Variants in SOX13 observed in about 807,000 individuals in gnomAD.
The protein encoded by SOX13 is SRY-box transcription factor 13, also known as transcription factor SOX-13.
Under a neutral mutation model 71.8 loss-of-function variants are expected in SOX13, and 28 were observed. The observed-to-expected ratio is 0.39, with a 90% confidence interval of 0.29 to 0.53. The LOEUF is 0.53. Ranked by LOEUF, SOX13 falls within the 20% of genes least tolerant of loss-of-function variation. The pLI is 0.70. For missense variants in SOX13, 627 were observed against 810.3 expected, an observed-to-expected ratio of 0.77 and a Z score of 2.75; for synonymous variants, 309 against 317.8, an observed-to-expected ratio of 0.97 and a Z score of 0.29.
At chr1:204,090,023 G>T (rs963209885) in intron 1 of SOX13, among the ~76,000 whole-genome samples, 1 of 152,230 alleles carries the variant, frequency 6.6e-6, no homozygotes, top group Non-Finnish European at 1.5e-5. Flanking sequence ...TGAAGCCCCC[G>T]GGGCCTCTGC....
intron 7 of SOX13, 61 bp downstream of exon 7, chr1:204,117,768 G>A (rs141412155): frequency 8.2e-5 from 88 of 1,073,648 alleles, no homozygotes; most frequent in South Asian, 7.1e-4. Context: ...CAGGGAAAGC[G>A]CCCTGGAGCC....
intron 1 of SOX13, among the ~76,000 whole-genome samples, chr1:204,105,428 CAG>C (rs1200127633): frequency 1.9e-4 from 13 of 68,864 alleles, no homozygotes; most frequent in Non-Finnish European, 3.3e-4. Flanking sequence ...TTTTTTGAGA[CAG>C]AGTCTCCCTC....
intron 1 of SOX13, among the ~76,000 whole-genome samples, chr1:204,088,204 G>A (rs956760143): frequency 8.5e-5 from 13 of 152,134 alleles, no homozygotes; most frequent in Admixed American, 5.9e-4. Flanking sequence ...GGCTGTGGAC[G>A]TAGCCCTGTT....
chr1:204,090,255 G>A (rs1360137591), intron 1 of SOX13, among the ~76,000 whole-genome samples: 1 of 152,090 alleles, frequency 6.6e-6, no homozygotes, highest in Non-Finnish European at 1.5e-5. Context: ...TGTTAGGCAG[G>A]GAGAGCATGG....
rs75937447 is a variant in SOX13, at chr1:204,087,359, A to G, written c.-2+13648A>G. ...AGGTGCCTGCCTTCCCAGGGGCACCAGCTGGACCCTGCTGACTCCATGGTG... is the reference window on the plus strand; with the variant it reads ...AGGTGCCTGCCTTCCCAGGGGCACCGGCTGGACCCTGCTGACTCCATGGTG... On this transcript the variant is annotated intron_variant, in intron 1 of 13. Transcript: ENST00000367204. Among the ~76,000 whole-genome samples, 366 of 152,330 alleles carry G rather than the reference A, an allele frequency of 2.4e-3. 6 individuals are homozygous for G. In the East Asian group the frequency reaches 0.028, roughly 12 times the overall value.
intron 1 of SOX13, among the ~76,000 whole-genome samples, chr1:204,110,337 C>T (rs1368254905): frequency 7.0e-6 from 1 of 142,678 alleles, no homozygotes; most frequent in Non-Finnish European, 1.5e-5. Flanking sequence ...CTATGTTGCT[C>T]ATGCTAATGG....
intron 1 of SOX13, among the ~76,000 whole-genome samples, chr1:204,079,542 C>T (rs1305529247): frequency 6.6e-6 from 1 of 152,004 alleles, no homozygotes; most frequent in African/African-American, 2.4e-5. Context: ...GTTGGGGTTT[C>T]ACCATGTTGG....
intron 1 of SOX13, among the ~76,000 whole-genome samples, chr1:204,095,121 A>G (rs527405445): frequency 2.6e-5 from 4 of 152,342 alleles, no homozygotes; most frequent in African/African-American, 7.2e-5. Flanking sequence ...CCTGAGCCGT[A>G]CAGTAAGTCT....
chr1:204,085,876 A>G (rs1162897762), intron 1 of SOX13, among the ~76,000 whole-genome samples: 3 of 150,986 alleles, frequency 2.0e-5, no homozygotes, highest in Non-Finnish European at 4.4e-5. Context: ...GCTACTCGGG[A>G]GGCTGAGGCA....
At chr1:204,121,866 T>A (rs749797738) in intron 7 of SOX13, 34 bp from the exon 8 acceptor site, 16 of 1,466,246 alleles carry the variant, frequency 1.1e-5, no homozygotes, top group Non-Finnish European at 1.5e-5. Context: ...TCTGTGCTCA[T>A]CCAGGACTTT....
chr1:204,091,616 G>A (rs1396278848), intron 1 of SOX13, among the ~76,000 whole-genome samples: 5 of 152,214 alleles, frequency 3.3e-5, no homozygotes, highest in Non-Finnish European at 5.9e-5. Flanking sequence ...GTAGCCTTGG[G>A]TTGGAAGGCT....
chr1:204,122,678 TG>T (rs1656833971), intron 9 of SOX13, 175 bp from the exon 10 acceptor site: 2 of 610,156 alleles, frequency 3.3e-6, no homozygotes, highest in Admixed American at 6.0e-5. Flanking sequence ...CCAGTGTAAG[TG>T]GCATATCCCT....
At chr1:204,105,731 A>T (rs1276009041) in intron 1 of SOX13, among the ~76,000 whole-genome samples, 2 of 152,072 alleles carry the variant, frequency 1.3e-5, no homozygotes, top group Non-Finnish European at 2.9e-5. Flanking sequence ...GCTGCCCCAA[A>T]AGCTGCGTGA....
intron 1 of SOX13, among the ~76,000 whole-genome samples, chr1:204,089,974 C>G (rs1488054904): frequency 2.0e-5 from 3 of 152,230 alleles, no homozygotes; most frequent in African/African-American, 7.2e-5. Context: ...GCAGGGAACT[C>G]TGGTAGGAGG....
At chr1:204,114,994 T>C (rs2102256598) in intron 4 of SOX13, among the ~76,000 whole-genome samples, 1 of 152,038 alleles carries the variant, frequency 6.6e-6, no homozygotes, top group East Asian at 1.9e-4. Context: ...AATGGGCTGC[T>C]GCTTGGGTTC....
intron 12 of SOX13, among the ~76,000 whole-genome samples, chr1:204,124,291 A>G (rs74725879): frequency 0.023 from 3,444 of 152,254 alleles, 137 homozygotes; most frequent in African/African-American, 0.079. Flanking sequence ...GACATCAGGT[A>G]TTTTGTCCTG....
intron 1 of SOX13, among the ~76,000 whole-genome samples, chr1:204,088,307 G>T (rs1238929517): frequency 6.6e-6 from 1 of 152,122 alleles, no homozygotes; most frequent in Non-Finnish European, 1.5e-5. Flanking sequence ...TGGTCGATTC[G>T]GCTGGGGACA....
intron 1 of SOX13, among the ~76,000 whole-genome samples, chr1:204,108,303 T>C (rs1656511471): frequency 6.6e-6 from 1 of 152,042 alleles, no homozygotes; most frequent in African/African-American, 2.4e-5. Context: ...AAACCTGGGG[T>C]GGGTTTGATG....
intron 1 of SOX13, among the ~76,000 whole-genome samples, chr1:204,078,584 C>T (rs1274209748): frequency 6.6e-6 from 1 of 152,220 alleles, no homozygotes; most frequent in East Asian, 1.9e-4. Flanking sequence ...TTGCGGTCCT[C>T]ACCCTTTGCT....
Sources: allele counts gnomAD v4.1 joint callset (sites outside exome capture counted in the v4.1 genomes callset), GRCh38; gene constraint gnomAD v4.1.1; transcripts MANE v1.5; gene names NCBI Gene and HGNC (gene_info 2026-07-23, HGNC 2026-07-21).